The following RNF17 variants were observed in gnomAD, a reference collection of about 807,000 sequenced individuals.
The protein encoded by RNF17 is spermatogenesis associated 23.
RNF17 carries 31 observed loss-of-function variants against 200.5 expected under a neutral mutation model. That is an observed-to-expected ratio of 0.15 (90% CI 0.12 to 0.21). The LOEUF is 0.21. Among genes scored for constraint, RNF17 ranks in the 10% least tolerant of loss-of-function variants. RNF17 has a pLI of 1.00. For synonymous variants in RNF17, 606 were observed against 637.8 expected, an observed-to-expected ratio of 0.95 and a Z score of 0.75; for missense variants, 1,628 against 1,905.1, an observed-to-expected ratio of 0.85 and a Z score of 2.71.
At chr13:24,822,954 G>A (rs540505473) in intron 15 of RNF17, among the ~76,000 whole-genome samples, 99 of 152,198 alleles carry the variant, frequency 6.5e-4, no homozygotes, top group African/African-American at 2.3e-3. Context: ...TCATACTTTC[G>A]TATGTTTTCA....
chr13:24,883,620 T>C (rs1953928943), downstream of RNF17, among the ~76,000 whole-genome samples: 1 of 152,216 alleles, frequency 6.6e-6, no homozygotes, highest in Non-Finnish European at 1.5e-5. Flanking sequence ...CAACTTGTGT[T>C]CTTCCTTTTG....
At chr13:24,869,347 A>G (rs9553458) in intron 31 of RNF17, among the ~76,000 whole-genome samples, 26,746 of 152,228 alleles carry the variant, frequency 0.18, 2,513 homozygotes, top group South Asian at 0.32. Context: ...TTCATCAGAG[A>G]GCAGAGTAAG....
At chr13:24,886,280 A>G in the RNF17 span, 1 of 1,287,416 alleles carries the variant, frequency 7.8e-7, no homozygotes, top group Non-Finnish European at 1.0e-6. Context: ...TCCATGTTAA[A>G]AAGTGTAACA....
rs1894158987 is a variant in RNF17, at chr13:24,870,697, A to G, written c.4405A>G (p.Lys1469Glu). ...TGATGAAGCACTGCAGAGGGTTAAT[A>G]AGAAGGTAGAGGCGCTTCCTCCTCT... is the stretch of plus-strand genomic sequence containing the variant. ...SLDEALQRVN[K>E]KVEALPPLTD... Residue 1469 changes from lysine to glutamate, a missense_variant, in exon 32 of 36, where the codon AAG becomes GAG. Coordinates refer to ENST00000255324, the MANE Select transcript of RNF17 (RefSeq NM_031277.3). 6.2e-7 allele frequency: 1 copy of G among 1,614,072 alleles called. No homozygotes were observed. The highest frequency in any genetic ancestry group is 1.1e-5 in the South Asian group (1 of 91,068).
Position 24,843,887 on chromosome 13 carries a change from A to G in RNF17, c.2747A>G (p.Lys916Arg). ...GAGAATTTTCAGTCACTTTATAATA[A>G]GGAATTGCCTGTGCATATCTGTAAT... is the stretch of plus-strand genomic sequence containing the variant. ...PNENFQSLYN[K>R]ELPVHICNVI... is the part of the protein sequence containing the mutation. Residue 916 changes from lysine to arginine, a missense_variant, in exon 20 of 36, where the codon AAG becomes AGG. Physicochemically the swap from Lys to Arg is conservative, Grantham distance 26. Coordinates refer to ENST00000255324, the MANE Select transcript of RNF17 (RefSeq NM_031277.3). 1 of 1,604,798 alleles carries G rather than the reference A, an allele frequency of 6.2e-7. No homozygotes were observed. The highest frequency in any genetic ancestry group is 8.5e-7 in the Non-Finnish European group (1 of 1,173,200).
At chr13:24,827,500 G>A (rs1413464616) in intron 16 of RNF17, among the ~76,000 whole-genome samples, 1 of 151,558 alleles carries the variant, frequency 6.6e-6, no homozygotes, top group Admixed American at 6.6e-5. Context: ...CTATAGACTG[G>A]GTAGTTTATA....
intron 31 of RNF17, among the ~76,000 whole-genome samples, chr13:24,869,528 G>C (rs913958121): frequency 2.0e-5 from 3 of 152,188 alleles, no homozygotes; most frequent in Non-Finnish European, 2.9e-5. Flanking sequence ...CAGGCTCTCA[G>C]GAGGTTGCAA....
intron 25 of RNF17, among the ~76,000 whole-genome samples, chr13:24,858,104 G>A (rs930812092): frequency 1.3e-5 from 2 of 152,112 alleles, no homozygotes; most frequent in African/African-American, 4.8e-5. Context: ...ATAGGGCTTA[G>A]TGTCATTGGC....
At chr13:24,854,240 G>A (rs935131977) in intron 25 of RNF17, 96 bp downstream of exon 25, 19 of 895,074 alleles carry the variant, frequency 2.1e-5, no homozygotes, top group Non-Finnish European at 3.1e-5. Flanking sequence ...ATTTTCACAA[G>A]GTTGTTAGGA....
At chr13:24,801,512 A>AC (rs1192685824) in intron 13 of RNF17, among the ~76,000 whole-genome samples, 1 of 152,072 alleles carries the variant, frequency 6.6e-6, no homozygotes, top group Non-Finnish European at 1.5e-5. Context: ...GTGGTAGTGC[A>AC]CCATGAAGGC....
intron 15 of RNF17, among the ~76,000 whole-genome samples, chr13:24,805,663 G>A (rs1488192473): frequency 6.6e-6 from 1 of 152,118 alleles, no homozygotes; most frequent in East Asian, 1.9e-4. Flanking sequence ...ATGGACACTG[G>A]CATGAAAGTA....
chr13:24,813,619 G>A (rs1353870864), intron 15 of RNF17, among the ~76,000 whole-genome samples: 4 of 151,810 alleles, frequency 2.6e-5, no homozygotes, highest in Non-Finnish European at 5.9e-5. Context: ...TCAAATATTT[G>A]CGTGTAACTA....
At chr13:24,838,703 C>T (rs972723621) in intron 18 of RNF17, among the ~76,000 whole-genome samples, 1 of 152,164 alleles carries the variant, frequency 6.6e-6, no homozygotes, top group African/African-American at 2.4e-5. Flanking sequence ...GACAAACCCA[C>T]AGCCAACGTA....
At chr13:24,759,419 C>T (rs1335701378), upstream of RNF17, among the ~76,000 whole-genome samples, 2 of 152,162 alleles carry the variant, frequency 1.3e-5, no homozygotes, top group Non-Finnish European at 2.9e-5. Flanking sequence ...AAATAAATTG[C>T]TAACCACATA....
chr13:24,835,707 C>CT (rs1889915797), intron 18 of RNF17, among the ~76,000 whole-genome samples: 1 of 152,196 alleles, frequency 6.6e-6, no homozygotes, highest in Non-Finnish European at 1.5e-5. Flanking sequence ...CTGACAGAGC[C>CT]TATCCAAATG....
At chr13:24,762,369 TAAAAA>T (rs370600110), upstream of RNF17, among the ~76,000 whole-genome samples, 149 of 113,880 alleles carry the variant, frequency 1.3e-3, no homozygotes, top group African/African-American at 2.8e-3. Context: ...ACTCCATTTC[TAAAAA>T]AAAAAAAAAA....
In RNF17 at chr13:24,844,685, C is replaced by G; in HGVS notation, c.2865C>G (p.Asn955Lys). The change falls in exon 21 of 36, where the codon AAC becomes AAG. Residue 955 changes from asparagine (N) to lysine (K), a missense_variant. Coordinates refer to ENST00000255324, the MANE Select transcript of RNF17 (RefSeq NM_031277.3). ...AAAAGATGATAGCTGCTTATGAAAA[C>G]TCAAAATGGGAACCTGTTAAATGGG... is the stretch of plus-strand genomic sequence containing the variant. ...LEEKMIAAYE[N>K]SKWEPVKWEN... 1.9e-6 allele frequency: 3 copies of G among 1,607,996 alleles called. No homozygotes were observed. The highest frequency in any genetic ancestry group is 2.6e-6 in the Non-Finnish European group (3 of 1,175,164).
intron 24 of RNF17, among the ~76,000 whole-genome samples, chr13:24,852,908 CATTGATTG>C (rs3039519): frequency 6.6e-6 from 1 of 151,494 alleles, no homozygotes. Flanking sequence ...GCTTTATTTC[CATTGATTG>C]ATTGATTGAT....
chr13:24,866,696 C>A (rs1893658882), intron 30 of RNF17, among the ~76,000 whole-genome samples: 1 of 152,178 alleles, frequency 6.6e-6, no homozygotes, highest in Non-Finnish European at 1.5e-5. Flanking sequence ...GGGTTGTTTC[C>A]ACCTTATGGT....
Sources: gnomAD v4.1 joint callset for allele counts (sites outside exome capture counted in the v4.1 genomes callset) on GRCh38, gnomAD v4.1.1 for gene constraint, MANE v1.5 for transcripts, NCBI Gene and HGNC (gene_info 2026-07-23, HGNC 2026-07-21) for gene names.